ALPL: variants seen among roughly 807,000 people sequenced by gnomAD.
ALPL encodes the protein alkaline phosphatase, biomineralization associated.
In ALPL, 42 loss-of-function variants were observed where a neutral mutation model predicts 51.3. The observed-to-expected ratio is 0.82, with a 90% CI of 0.64 to 1.06. The LOEUF (loss-of-function observed/expected upper bound fraction) is 1.06, where lower values mean the gene tolerates loss of function less well. Ranked by LOEUF, ALPL falls within the 50% of genes least tolerant of loss-of-function variation. ALPL has a pLI of 0.00. For missense variants in ALPL, 589 were observed against 709.4 expected (o/e 0.83, Z 1.93); for synonymous variants, 279 against 296.4 (o/e 0.94, Z 0.60).
chr1:21,549,702 A>G (rs1570243293), intron 1 of ALPL, among the ~76,000 whole-genome samples: 1 of 152,212 alleles, frequency 6.6e-6, no homozygotes, highest in East Asian at 1.9e-4. Flanking sequence ...ACCTTAAGGG[A>G]TCCACCCGCC....
chr1:21,552,444 A>C (rs1474804380), intron 1 of ALPL, among the ~76,000 whole-genome samples: 3 of 148,320 alleles, frequency 2.0e-5, no homozygotes, highest in Non-Finnish European at 4.5e-5. Flanking sequence ...GTGCCATTGC[A>C]CTCCAGCCTG....
chr1:21,515,595 G>T (rs1182450370), intron 1 of ALPL, among the ~76,000 whole-genome samples: 1 of 152,156 alleles, frequency 6.6e-6, no homozygotes, highest in Non-Finnish European at 1.5e-5. Context: ...TGCCATGTCG[G>T]CCAGGTTGAT....
intron 1 of ALPL, among the ~76,000 whole-genome samples, chr1:21,536,723 A>AGG: frequency 6.6e-6 from 1 of 152,042 alleles, no homozygotes; most frequent in African/African-American, 2.4e-5. Flanking sequence ...CCAGGCTGAA[A>AGG]GGGGGAGGGT....
chr1:21,541,052 C>G (rs969100134), intron 1 of ALPL, among the ~76,000 whole-genome samples: 10 of 152,200 alleles, frequency 6.6e-5, no homozygotes, highest in Non-Finnish European at 8.8e-5. Flanking sequence ...AGTCTCAGAG[C>G]TGGAAGGACT....
At chr1:21,569,813 G>T (rs572569214) in intron 7 of ALPL, among the ~76,000 whole-genome samples, 1 of 152,142 alleles carries the variant, frequency 6.6e-6, no homozygotes, top group Non-Finnish European at 1.5e-5. Context: ...AAACAGCCAC[G>T]CCTTTATCTC....
intron 6 of ALPL, among the ~76,000 whole-genome samples, chr1:21,566,785 C>T (rs912499245): frequency 6.6e-6 from 1 of 152,040 alleles, no homozygotes; most frequent in Non-Finnish European, 1.5e-5. Context: ...TTTGTATAGA[C>T]AGGGTCTTGC....
chr1:21,571,408 C>G (rs890589186), intron 8 of ALPL, among the ~76,000 whole-genome samples: 13 of 152,106 alleles, frequency 8.5e-5, no homozygotes, highest in African/African-American at 3.1e-4. Context: ...TGCAGTGGCT[C>G]ATGCCTGTAA....
Position 21,570,357 on chromosome 1 carries a change from A to T in ALPL, c.845A>T (p.Asn282Ile). Reference protein sequence around the residue: ...RTELLTLDPHNVDYLLGLFEP... With the variant: ...RTELLTLDPHIVDYLLGLFEP... The stretch of plus-strand genomic sequence containing the variant: ...GAACTCCTGACCCTTGACCCCCACA[A>T]TGTGGACTACCTATTGGGTAAGTGG... Residue 282 changes from asparagine (N) to isoleucine (I), a missense_variant, in exon 8 of 12, where the codon AAT becomes ATT. Coordinates refer to ENST00000374840, the MANE Select transcript of ALPL (RefSeq NM_000478.6). The T allele has an allele frequency of 1.2e-6, 2 of 1,613,816 alleles. No individual in the cohort carries two copies. The highest frequency in any genetic ancestry group is 2.2e-5 in the South Asian group (2 of 91,076).
intron 1 of ALPL, among the ~76,000 whole-genome samples, chr1:21,550,802 G>C (rs1644311013): frequency 6.6e-6 from 1 of 152,160 alleles, no homozygotes; most frequent in Non-Finnish European, 1.5e-5. Flanking sequence ...CTTGGGTTTA[G>C]CTTCCTTTGC....
rs151331744 is a variant in ALPL at position 21,520,133 on chromosome 1, T to G, written c.-105+10616T>G. Among the ~76,000 whole-genome samples the G allele has an allele frequency of 4.6e-5, 7 of 152,166 alleles. No homozygotes were observed. The East Asian group carries it at 1.2e-3, about 25-fold the overall frequency. On this transcript the variant is annotated intron_variant, in intron 1 of 11. Coordinates refer to ENST00000374840, the MANE Select transcript of ALPL (RefSeq NM_000478.6). ...TCAGGTTTTTTTTGTTGTTGTTGTT[T>G]GTTTGTTTTTTGAGACAAGGTCTTG...
At position 21,541,359 on chromosome 1, in the gene ALPL, A is replaced by C. The variant is rs118003755; in HGVS notation, c.-104-12619A>C. Among the ~76,000 whole-genome samples the C allele has an allele frequency of 4.5e-4, 69 of 152,312 alleles. No homozygotes were observed. In the East Asian group the frequency reaches 0.012, roughly 26 times the overall value. ...CTATTAGGTGTGGAGGGGTGAGGTCACCTGCTCTGAGCTGCCCAGCTGGTG... is the reference window on the plus strand; with the variant it reads ...CTATTAGGTGTGGAGGGGTGAGGTCCCCTGCTCTGAGCTGCCCAGCTGGTG... On this transcript the variant is annotated intron_variant, in intron 1 of 11. Transcript: ENST00000374840.
intron 1 of ALPL, 61 bp from the exon 2 acceptor site, chr1:21,553,917 T>TG: frequency 1.5e-6 from 1 of 681,390 alleles, no homozygotes; most frequent in African/African-American, 1.8e-5. Context: ...AATAAGTGAG[T>TG]GAAAAAGGAT....
chr1:21,550,496 C>T (rs1457456583), intron 1 of ALPL, among the ~76,000 whole-genome samples: 1 of 152,186 alleles, frequency 6.6e-6, no homozygotes, highest in Non-Finnish European at 1.5e-5. Flanking sequence ...AGCACATAGA[C>T]TTGCTTTCAT....
At chr1:21,546,421 G>A (rs935195564) in intron 1 of ALPL, among the ~76,000 whole-genome samples, 3 of 152,168 alleles carry the variant, frequency 2.0e-5, no homozygotes, top group Non-Finnish European at 4.4e-5. Context: ...GTCTAATGGT[G>A]CACAGCTGTG....
chr1:21,538,729 A>C (rs1644143357), intron 1 of ALPL, among the ~76,000 whole-genome samples: 1 of 151,464 alleles, frequency 6.6e-6, no homozygotes, highest in East Asian at 2.0e-4. Flanking sequence ...GGGTGCGCCC[A>C]CCTGGCCGGG....
chr1:21,576,395 G>A, intron 10 of ALPL, 127 bp from the exon 11 acceptor site: 2 of 1,295,608 alleles, frequency 1.5e-6, no homozygotes, highest in East Asian at 2.3e-5. Context: ...TGGCTTCTTG[G>A]AGGCATTGCA....
chr1:21,529,285 T>C (rs1643997678), intron 1 of ALPL, among the ~76,000 whole-genome samples: 1 of 151,974 alleles, frequency 6.6e-6, no homozygotes, highest in Non-Finnish European at 1.5e-5. Flanking sequence ...AGACAGGGTC[T>C]TACTTTGTCA....
intron 1 of ALPL, among the ~76,000 whole-genome samples, chr1:21,511,815 C>T (rs1643693111): frequency 6.6e-6 from 1 of 152,216 alleles, no homozygotes; most frequent in Non-Finnish European, 1.5e-5. Context: ...GACTTACATA[C>T]CCAACATTCC....
chr1:21,546,356 G>T (rs1404190917), intron 1 of ALPL, among the ~76,000 whole-genome samples: 1 of 152,126 alleles, frequency 6.6e-6, no homozygotes, highest in African/African-American at 2.4e-5. Context: ...GGGTATTTTG[G>T]ACCATGGGAT....
Sources: gnomAD v4.1 joint callset for allele counts (sites outside exome capture counted in the v4.1 genomes callset) on GRCh38, gnomAD v4.1.1 for gene constraint, MANE v1.5 for transcripts, NCBI Gene and HGNC (gene_info 2026-07-23, HGNC 2026-07-21) for gene names.